Variants in SLC38A8 observed in about 807,000 individuals in gnomAD.
SLC38A8 encodes the protein solute carrier family 38 member 8, also known as amino acid transporter SLC38A8.
A neutral mutation model predicts 46.0 loss-of-function variants in SLC38A8; 65 were observed. The observed-to-expected ratio is 1.41, with a 90% CI of 1.16 to 1.74. SLC38A8 has a LOEUF of 1.74. Among genes scored for constraint, SLC38A8 ranks in the 40% most tolerant of loss-of-function variants. The probability of loss-of-function intolerance (pLI) is 0.00; values close to 1 mark genes in which losing one functional copy is unlikely to be tolerated. For missense variants in SLC38A8, 998 were observed against 567.9 expected (o/e 1.76, Z -7.70); for synonymous variants, 447 against 243.7 (o/e 1.83, Z -7.77).
intron 7 of SLC38A8, among the ~76,000 whole-genome samples, chr16:84,021,232 T>G (rs2085091655): frequency 1.3e-5 from 2 of 152,160 alleles, no homozygotes; most frequent in East Asian, 3.9e-4. Context: ...CTCGGCTAAT[T>G]TTTTGTATTT....
At chr16:84,032,942 GGGTGGGTGTGGGTA>G (rs2085261148) in intron 4 of SLC38A8, among the ~76,000 whole-genome samples, 1 of 140,862 alleles carries the variant, frequency 7.1e-6, no homozygotes, top group Non-Finnish European at 1.5e-5. Flanking sequence ...GGGTGTGCAT[GGGTGGGTGTGGGTA>G]GGTGGGTGTG....
chr16:84,018,507 C>T (rs1458479835), intron 7 of SLC38A8, among the ~76,000 whole-genome samples: 1 of 152,146 alleles, frequency 6.6e-6, no homozygotes, highest in Non-Finnish European at 1.5e-5. Context: ...GCATGAGCCA[C>T]CGTGCCTGGC....
At chr16:84,011,419 C>G (rs192021476) in intron 10 of SLC38A8, among the ~76,000 whole-genome samples, 5 of 152,180 alleles carry the variant, frequency 3.3e-5, no homozygotes, top group Non-Finnish European at 7.3e-5. Context: ...AAACACTGCT[C>G]TCAAATCCAG....
At chr16:84,016,756 G>A (rs1370119066) in intron 8 of SLC38A8, 29 bp from the exon 9 acceptor site, 1 of 1,597,652 alleles carries the variant, frequency 6.3e-7, no homozygotes, top group Non-Finnish European at 8.5e-7. Context: ...ACAGACACAT[G>A]GGCATCTCAG....
Position 84,022,862 on chromosome 16 carries a change from A to T in SLC38A8, c.718T>A (p.Cys240Ser). 6.2e-7 allele frequency: 1 copy of T among 1,608,520 alleles called. No individual in the cohort carries two copies. The highest frequency in any genetic ancestry group is 8.5e-7 in the Non-Finnish European group (1 of 1,177,968). ...QCHEAAVSIY[C>S]SMRKRSLSHW... ...GAGAGGCTCCGTTTGCGCATGCTGC[A>T]GTAGATGGAGACGGCAGCTTCGTGA... The change falls in exon 7 of 11, where the codon TGC (cysteine) becomes AGC (serine). Residue 240 changes from cysteine to serine, a missense_variant. Cys to Ser is a moderately radical substitution (Grantham distance 112, BLOSUM62 -1). Coordinates refer to ENST00000299709, the MANE Select transcript of SLC38A8 (RefSeq NM_001080442.3).
At chr16:84,015,119 C>A (rs1019650748) in intron 9 of SLC38A8, among the ~76,000 whole-genome samples, 2 of 152,104 alleles carry the variant, frequency 1.3e-5, no homozygotes, top group Non-Finnish European at 2.9e-5. Context: ...TGGTTCCAGT[C>A]GCGGCTGAAT....
Position 84,041,997 on chromosome 16 carries a change from C to A in SLC38A8, c.161G>T (p.Gly54Val). The A allele has an allele frequency of 6.2e-7, 1 of 1,609,292 alleles. No individual in the cohort carries two copies. The highest frequency in any genetic ancestry group is 8.5e-7 in the Non-Finnish European group (1 of 1,177,352). The change falls in exon 2 of 11, where the codon GGA becomes GTA. Residue 54 changes from glycine to valine, a missense_variant. Physicochemically the swap from Gly to Val is moderately radical, Grantham distance 109. Coordinates refer to ENST00000299709, the MANE Select transcript of SLC38A8 (RefSeq NM_001080442.3). ...NFPWAFSKAG[G>V]VVPAFLVELV... ...CTCCACCAGGAAGGCAGGGACCACT[C>A]CGCCCGCTTTGGAGAAGGCCCAGGG... is the stretch of plus-strand genomic sequence containing the variant.
intron 6 of SLC38A8, among the ~76,000 whole-genome samples, chr16:84,025,129 T>C (rs2085146533): frequency 6.7e-6 from 1 of 149,644 alleles, no homozygotes. Context: ...GCAGGGAGGC[T>C]CTGCTCTGTC....
chr16:84,029,378 C>G (rs943378532), intron 6 of SLC38A8, 116 bp downstream of exon 6: 1 of 1,062,144 alleles, frequency 9.4e-7, no homozygotes, highest in Admixed American at 2.2e-5. Context: ...CCACTGTATC[C>G]TAGGAGAAGT....
chr16:84,033,186 CTTGTAT>C, intron 4 of SLC38A8, 136 bp downstream of exon 4: 1 of 1,108,970 alleles, frequency 9.0e-7, no homozygotes, highest in African/African-American at 1.6e-5. Context: ...ATACATTTTA[CTTGTAT>C]AATTTTTTTT....
At chr16:84,035,523 C>T (rs1292714601) in intron 3 of SLC38A8, among the ~76,000 whole-genome samples, 1 of 152,198 alleles carries the variant, frequency 6.6e-6, no homozygotes, top group Non-Finnish European at 1.5e-5. Flanking sequence ...CAAGACCCGA[C>T]CATATGCTGC....
At chr16:84,023,689 T>G (rs1034222450) in intron 6 of SLC38A8, among the ~76,000 whole-genome samples, 1 of 147,990 alleles carries the variant, frequency 6.8e-6, no homozygotes, top group Non-Finnish European at 1.5e-5. Context: ...AGGTCAGGAG[T>G]TTGAGACCAG....
rs146685280 is a variant in SLC38A8, at chr16:84,015,931, G to A, written c.1162+588C>T. Among the ~76,000 whole-genome samples the A allele has an allele frequency of 4.9e-3, 752 of 152,236 alleles. 5 individuals carry two copies. The highest frequency in any genetic ancestry group is 0.017 in the African/African-American group (722 of 41,532). ...TGACCTCAGGTGATCCGCCTGCCTC[G>A]GCCTCCCAAAGTGCTGGGATTACAG... On this transcript the variant is annotated intron_variant, in intron 9 of 10. Transcript: ENST00000299709.
intron 5 of SLC38A8, 107 bp from the exon 6 acceptor site, chr16:84,029,658 T>C: frequency 2.7e-6 from 3 of 1,097,426 alleles, no homozygotes; most frequent in South Asian, 1.4e-5. Flanking sequence ...TAACAGAGCA[T>C]GGCTGCAAGA....
intron 9 of SLC38A8, among the ~76,000 whole-genome samples, chr16:84,013,349 G>C (rs565069505): frequency 6.6e-6 from 1 of 151,900 alleles, no homozygotes; most frequent in Non-Finnish European, 1.5e-5. Flanking sequence ...TGAGGAGATG[G>C]TGAGAGTCCA....
intron 7 of SLC38A8, among the ~76,000 whole-genome samples, chr16:84,022,541 G>C (rs1008945541): frequency 1.3e-5 from 2 of 152,328 alleles, no homozygotes; most frequent in East Asian, 3.9e-4. Flanking sequence ...TCAGGTCTCA[G>C]CTTTGCAGAT....
At position 84,038,097 on chromosome 16, in the gene SLC38A8, G is replaced by A. The variant is rs139977914; in HGVS notation, c.190-1197C>T. Among the ~76,000 whole-genome samples, 160 of 152,204 alleles carry A rather than the reference G, an allele frequency of 1.1e-3. 5 individuals are homozygous for A. The East Asian group carries it at 0.029, about 28-fold the overall frequency. On this transcript the variant is annotated intron_variant, in intron 2 of 10. Transcript: ENST00000299709. The stretch of plus-strand genomic sequence containing the variant: ...AGGCCAAGGCGGGAGGATCACCTGA[G>A]GTCGGGAGTTTGAGACCAGCCTGGC...
chr16:84,031,450 G>A (rs1025606663), intron 5 of SLC38A8, among the ~76,000 whole-genome samples: 2 of 152,188 alleles, frequency 1.3e-5, no homozygotes, highest in African/African-American at 4.8e-5. Context: ...CCGTGGCTCT[G>A]AATCCCTGTA....
At chr16:84,019,702 C>T (rs2085073427) in intron 7 of SLC38A8, among the ~76,000 whole-genome samples, 1 of 152,222 alleles carries the variant, frequency 6.6e-6, no homozygotes, top group Non-Finnish European at 1.5e-5. Context: ...GTCCAAAGTC[C>T]AGAGTGTGGT....
Sources: allele counts gnomAD v4.1 joint callset (sites outside exome capture counted in the v4.1 genomes callset), GRCh38; gene constraint gnomAD v4.1.1; transcripts MANE v1.5; gene names NCBI Gene and HGNC (gene_info 2026-07-23, HGNC 2026-07-21).